Variants in KIF26B observed in about 807,000 individuals in gnomAD.
KIF26B encodes the protein kinesin-like protein KIF26B.
In KIF26B, 63 loss-of-function variants were observed where a neutral mutation model predicts 151.2. The ratio of observed to expected loss-of-function variants is 0.42; its 90% CI spans 0.34 to 0.51. The LOEUF (loss-of-function observed/expected upper bound fraction) is 0.51. Among genes scored for constraint, KIF26B ranks in the 20% least tolerant of loss-of-function variants. The pLI is 0.07. For synonymous variants in KIF26B, 1,357 were observed against 1,262.1 expected (o/e 1.08, Z -1.59); for missense variants, 2,813 against 2,913.6 (o/e 0.97, Z 0.79).
intron 2 of KIF26B, among the ~76,000 whole-genome samples, chr1:245,277,843 T>C (rs989352936): frequency 6.6e-6 from 1 of 152,100 alleles, no homozygotes; most frequent in Non-Finnish European, 1.5e-5. Context: ...GAACCCCTGG[T>C]GCATCAGGTA....
At chr1:245,586,874 CAG>C (rs2043232277) in intron 5 of KIF26B, among the ~76,000 whole-genome samples, 2 of 139,220 alleles carry the variant, frequency 1.4e-5, no homozygotes, top group African/African-American at 2.8e-5. Context: ...GCCTGGGTGA[CAG>C]AGCGAGACTC....
chr1:245,175,952 A>G (rs181704983), intron 2 of KIF26B, among the ~76,000 whole-genome samples: 10 of 147,618 alleles, frequency 6.8e-5, no homozygotes, highest in East Asian at 4.0e-4. Context: ...ATATATAGAT[A>G]TCTATATCTA....
At chr1:245,297,862 G>A (rs1251122300) in intron 2 of KIF26B, among the ~76,000 whole-genome samples, 1 of 144,684 alleles carries the variant, frequency 6.9e-6, no homozygotes, top group East Asian at 2.1e-4. Flanking sequence ...ACTGATGCCT[G>A]ATGGGCATCA....
At chr1:245,350,300 G>A (rs1672540113) in intron 2 of KIF26B, among the ~76,000 whole-genome samples, 1 of 152,096 alleles carries the variant, frequency 6.6e-6, no homozygotes, top group South Asian at 2.1e-4. Context: ...TGGAGGTCTG[G>A]TGACTTTACC....
chr1:245,672,925 C>T (rs1002360656), intron 10 of KIF26B, among the ~76,000 whole-genome samples: 8 of 152,084 alleles, frequency 5.3e-5, no homozygotes, highest in African/African-American at 1.9e-4. Context: ...TTTTCTTCCC[C>T]AAAGCACCAT....
intron 5 of KIF26B, among the ~76,000 whole-genome samples, chr1:245,556,320 T>C (rs1448777555): frequency 8.4e-4 from 86 of 102,108 alleles, no homozygotes; most frequent in African/African-American, 2.9e-3. Context: ...CTCCTTCTTC[T>C]TCTTCCTCCT....
intron 5 of KIF26B, among the ~76,000 whole-genome samples, chr1:245,586,195 G>T (rs1439055200): frequency 2.9e-5 from 4 of 137,418 alleles, no homozygotes; most frequent in Non-Finnish European, 6.3e-5. Context: ...GTGTGTGTGT[G>T]TGTTTGTTTT....
At chr1:245,264,769 T>C (rs1475878747) in intron 2 of KIF26B, among the ~76,000 whole-genome samples, 1 of 150,422 alleles carries the variant, frequency 6.6e-6, no homozygotes, top group East Asian at 2.0e-4. Flanking sequence ...GGCGGGCTCC[T>C]GTAGTCCCAG....
At chr1:245,431,838 T>C (rs1658790043) in intron 4 of KIF26B, among the ~76,000 whole-genome samples, 1 of 152,194 alleles carries the variant, frequency 6.6e-6, no homozygotes, top group Non-Finnish European at 1.5e-5. Flanking sequence ...TTCAGTCTCA[T>C]GCAGTAAAAG....
At chr1:245,497,532 G>T (rs1049604429) in intron 4 of KIF26B, among the ~76,000 whole-genome samples, 2 of 152,060 alleles carry the variant, frequency 1.3e-5, no homozygotes, top group African/African-American at 4.8e-5. Context: ...CATTCTACTT[G>T]TAAATAACCA....
chr1:245,583,681 C>T (rs1224167024), intron 5 of KIF26B, among the ~76,000 whole-genome samples: 4 of 152,316 alleles, frequency 2.6e-5, no homozygotes, highest in Admixed American at 2.0e-4. Flanking sequence ...TAATAAGATC[C>T]GTGGTACACG....
intron 2 of KIF26B, among the ~76,000 whole-genome samples, chr1:245,176,120 C>A (rs1283509579): frequency 6.6e-6 from 1 of 152,070 alleles, no homozygotes; most frequent in Non-Finnish European, 1.5e-5. Flanking sequence ...CTGCCTCAGC[C>A]TCCCGAGTAG....
chr1:245,437,525 G>A (rs1020794216), intron 4 of KIF26B, among the ~76,000 whole-genome samples: 2 of 152,154 alleles, frequency 1.3e-5, no homozygotes, highest in African/African-American at 4.8e-5. Context: ...TACTTTGCAT[G>A]TTCTTTATTT....
Position 245,707,388 on chromosome 1 carries a change from G to C in KIF26B, c.*4782G>C, listed in dbSNP as rs181213229. On this transcript the variant is annotated 3_prime_UTR_variant, in exon 15 of 15. Transcript: ENST00000407071. ...GAAATTACCTTCAACACTAAAAAAG[G>C]TTCCTTCTTTCATTCCCTATCCTGC... 3 of 152,148 alleles carry C rather than the reference G, an allele frequency of 2.0e-5. No homozygotes were observed. Among genetic ancestry groups the C allele is most frequent in the Admixed American group, 6.5e-5 (1 of 15,278 alleles). The allele number at this position is 152,148 out of a possible 1,614,324, so 9.4% of individuals were successfully genotyped here.
intron 2 of KIF26B, among the ~76,000 whole-genome samples, chr1:245,305,936 C>CA (rs55865379): frequency 0.14 from 12,069 of 86,412 alleles, 927 homozygotes; most frequent in East Asian, 0.37. Flanking sequence ...GACGACTCCT[C>CA]AAAAAAAAAA....
intron 5 of KIF26B, among the ~76,000 whole-genome samples, chr1:245,585,275 T>G (rs940921979): frequency 6.6e-6 from 1 of 152,226 alleles, no homozygotes; most frequent in Non-Finnish European, 1.5e-5. Flanking sequence ...TGTGTGCGTA[T>G]GTGAAACCAA....
intron 3 of KIF26B, among the ~76,000 whole-genome samples, chr1:245,418,783 C>T (rs1199896801): frequency 2.0e-5 from 3 of 151,998 alleles, no homozygotes; most frequent in South Asian, 2.1e-4. Flanking sequence ...TTATATTTGC[C>T]GTGGGGATTA....
intron 2 of KIF26B, among the ~76,000 whole-genome samples, chr1:245,302,761 T>C (rs1671448577): frequency 6.6e-6 from 1 of 152,014 alleles, no homozygotes; most frequent in Non-Finnish European, 1.5e-5. Context: ...GAGGCCAAGG[T>C]GGGCGGACCA....
intron 8 of KIF26B, among the ~76,000 whole-genome samples, chr1:245,610,171 G>A (rs1039164466): frequency 6.6e-5 from 10 of 152,138 alleles, no homozygotes; most frequent in Non-Finnish European, 1.2e-4. Flanking sequence ...TTATTTTCCC[G>A]TGTTGTCAGA....
Sources: gnomAD v4.1 joint callset for allele counts (sites outside exome capture counted in the v4.1 genomes callset) on GRCh38, gnomAD v4.1.1 for gene constraint, MANE v1.5 for transcripts, NCBI Gene and HGNC (gene_info 2026-07-23, HGNC 2026-07-21) for gene names.